USP9X: variants seen among roughly 807,000 people sequenced by gnomAD.
USP9X encodes ubiquitin carboxyl-terminal hydrolase 9X.
A neutral mutation model predicts 190.3 loss-of-function variants in USP9X; 7 were observed. That is an observed-to-expected ratio of 0.04 (90% CI 0.02 to 0.07). The LOEUF is 0.07. Ranked by LOEUF, USP9X falls within the 10% of genes least tolerant of loss-of-function variation. USP9X has a pLI of 1.00. For synonymous variants in USP9X, 645 were observed against 659.5 expected (o/e 0.98, Z 0.34); for missense variants, 1,010 against 1,916.9 (o/e 0.53, Z 8.83).
At chrX:41,142,145 T>C (rs973693200) in intron 9 of USP9X, among the ~76,000 whole-genome samples, 2 of 110,748 alleles carry the variant, frequency 1.8e-5, no homozygotes, top group Non-Finnish European at 3.8e-5. Flanking sequence ...TTGCCCTGTG[T>C]TAGGGGGTCA....
intron 2 of USP9X, among the ~76,000 whole-genome samples, chrX:41,124,477 T>C (rs1407269317): frequency 2.7e-5 from 3 of 111,750 alleles, no homozygotes; most frequent in African/African-American, 9.8e-5. Context: ...AGGTCTTGCA[T>C]AGTAACAAGA....
At position 41,216,579 on chromosome X, in the gene USP9X, G is replaced by A; in HGVS notation, c.6012G>A (p.Gln2004=). 4 of 1,211,054 alleles carry A rather than the reference G, an allele frequency of 3.3e-6. No individual in the cohort carries two copies. Among genetic ancestry groups the A allele is most frequent in the Non-Finnish European group, 4.5e-6 (4 of 895,122 alleles). The change falls in exon 35 of 45, where the codon CAG becomes CAA. Residue 2004 remains glutamine (Q), a synonymous_variant. Transcript: ENST00000378308. ...TACAATTCATGCATAACCGAATGCA[G>A]TACAGTATGGAGTATTTTCAGTTTA... ...QNVQFMHNRM[Q]YSMEYFQFMK...
At chrX:41,100,425 A>G (rs778344149) in intron 1 of USP9X, among the ~76,000 whole-genome samples, 1 of 112,254 alleles carries the variant, frequency 8.9e-6, no homozygotes, top group East Asian at 2.8e-4. Flanking sequence ...AAGGCAGTTT[A>G]TCTTCAGTCT....
rs2062850188 is a variant in USP9X at position 41,183,935 on chromosome X, CAA to C, written c.3149-60_3149-59del. 4 of 1,124,350 alleles carry C rather than the reference CAA, an allele frequency of 3.6e-6. No homozygotes were observed. The South Asian group carries it at 9.5e-5, about 27-fold the overall frequency. 92.7% of individuals were successfully genotyped at this position (1,124,350 alleles called of 1,213,427 possible). A position where few individuals can be genotyped will look rare whatever the true frequency, so the allele number is the denominator to read the frequency against. On this transcript the variant is annotated intron_variant, in intron 21 of 44. Coordinates refer to ENST00000378308, the MANE Select transcript of USP9X (RefSeq NM_001039591.3). ...CATATTAGTATGGTCTTCAAGATAT[CAA>C]AAGTTAAATATGTATGAACACATGA...
intron 6 of USP9X, among the ~76,000 whole-genome samples, chrX:41,137,855 A>G (rs2062388999): frequency 9.1e-6 from 1 of 110,188 alleles, no homozygotes; most frequent in Non-Finnish European, 1.9e-5. Flanking sequence ...ATTTTAATCT[A>G]TACCTGTATT....
intron 26 of USP9X, among the ~76,000 whole-genome samples, chrX:41,191,672 C>T: frequency 8.9e-6 from 1 of 111,836 alleles, no homozygotes; most frequent in Non-Finnish European, 1.9e-5. Flanking sequence ...AATCCACCAG[C>T]AAATATGTGA....
At chrX:41,098,992 C>G (rs1008384223) in intron 1 of USP9X, among the ~76,000 whole-genome samples, 3 of 109,007 alleles carry the variant, frequency 2.8e-5, no homozygotes, top group East Asian at 2.9e-4. Context: ...GTGGTGTGAT[C>G]ACAGCTCAGT....
Position 41,234,954 on chromosome X carries a change from C to T in USP9X, c.*2430C>T, listed in dbSNP as rs941823780. 3.6e-5 allele frequency: 4 copies of T among 112,160 alleles called. No homozygotes were observed. Among genetic ancestry groups the T allele is most frequent in the African/African-American group, 1.3e-4 (4 of 30,795 alleles). The allele number at this position is 112,160 out of a possible 1,213,427, so 9.2% of individuals were successfully genotyped here. ...CTTTATTTGGATGAGTTAGGTGTAC[C>T]ATCTCACCATCTGAGAGGAGATTTA... On this transcript the variant is annotated 3_prime_UTR_variant, in exon 45 of 45. Coordinates refer to ENST00000378308, the MANE Select transcript of USP9X (RefSeq NM_001039591.3).
intron 41 of USP9X, among the ~76,000 whole-genome samples, chrX:41,227,739 CACCCAGGCTGGAGTGCAGTGGCGCGAT>C (rs1401283556): frequency 9.1e-6 from 1 of 109,898 alleles, no homozygotes; most frequent in Non-Finnish European, 1.9e-5. Context: ...CTCACTCTGT[CACCCAGGCTGGAGTGCAGTGGCGCGAT>C]CTCGGCTCAC....
At chrX:41,141,554 T>A (rs2062423242) in intron 9 of USP9X, 123 bp downstream of exon 9, 3 of 718,516 alleles carry the variant, frequency 4.2e-6, no homozygotes, top group Non-Finnish European at 5.6e-6. Flanking sequence ...GGGAGGTGTT[T>A]TGATTGATTT....
chrX:41,164,245 CTG>C (rs1005325691), intron 15 of USP9X, among the ~76,000 whole-genome samples: 8 of 111,188 alleles, frequency 7.2e-5, no homozygotes, highest in Non-Finnish European at 1.3e-4. Flanking sequence ...TTATTGAACT[CTG>C]TGCTTATTTA....
chrX:41,119,755 G>A (rs1160354832), intron 1 of USP9X, among the ~76,000 whole-genome samples: 1 of 112,611 alleles, frequency 8.9e-6, no homozygotes, highest in African/African-American at 3.2e-5. Context: ...GCTTGAACCC[G>A]GGAGGCGGAG....
chrX:41,089,372 C>T (rs960420299), intron 1 of USP9X, among the ~76,000 whole-genome samples: 6 of 111,784 alleles, frequency 5.4e-5, no homozygotes, highest in Non-Finnish European at 9.4e-5. Context: ...GTTTGTTTCT[C>T]GTACCAGAGT....
chrX:41,208,110 G>A (rs145540638), intron 32 of USP9X, among the ~76,000 whole-genome samples: 15,482 of 105,587 alleles, frequency 0.15, 1,104 homozygotes, highest in East Asian at 0.4. Flanking sequence ...CTCGGCTCAC[G>A]GTAACCTCTG....
chrX:41,102,019 A>G (rs1376063360), intron 1 of USP9X, among the ~76,000 whole-genome samples: 2 of 111,363 alleles, frequency 1.8e-5, no homozygotes, highest in Non-Finnish European at 3.8e-5. Context: ...TATTAATGGT[A>G]TGAAGTTTCT....
chrX:41,171,341 A>C (rs1490647944), intron 20 of USP9X, among the ~76,000 whole-genome samples: 1 of 111,888 alleles, frequency 8.9e-6, no homozygotes, highest in East Asian at 2.8e-4. Flanking sequence ...ATCTCTAAAA[A>C]TATAAATAAA....
intron 1 of USP9X, among the ~76,000 whole-genome samples, chrX:41,104,293 AT>A (rs2062053980): frequency 8.9e-6 from 1 of 111,875 alleles, no homozygotes; most frequent in African/African-American, 3.2e-5. Flanking sequence ...GTGCTGGGCA[AT>A]TCCTGGGCTC....
chrX:41,159,057 A>G (rs1451843177), intron 14 of USP9X, among the ~76,000 whole-genome samples: 1 of 111,330 alleles, frequency 9.0e-6, no homozygotes, highest in Non-Finnish European at 1.9e-5. Flanking sequence ...AACCACTTCT[A>G]TTTAACATTC....
At chrX:41,142,170 G>C (rs930883959) in intron 9 of USP9X, among the ~76,000 whole-genome samples, 7 of 111,116 alleles carry the variant, frequency 6.3e-5, no homozygotes, top group African/African-American at 2.3e-4. Flanking sequence ...GTAGACATCT[G>C]GTTTCATACA....
Sources: gnomAD v4.1 joint callset for allele counts (sites outside exome capture counted in the v4.1 genomes callset) on GRCh38, gnomAD v4.1.1 for gene constraint, MANE v1.5 for transcripts, NCBI Gene and HGNC (gene_info 2026-07-23, HGNC 2026-07-21) for gene names.